Variants in PCDH11X observed in about 807,000 individuals in gnomAD.
PCDH11X encodes protocadherin-11 X-linked.
PCDH11X carries 18 observed loss-of-function variants against 53.3 expected under a neutral mutation model. The ratio of observed to expected loss-of-function variants is 0.34; its 90% confidence interval spans 0.23 to 0.50. The LOEUF is 0.50. PCDH11X is among the 20% of genes least tolerant of loss of function. The probability of loss-of-function intolerance (pLI) is 0.98; values close to 1 mark genes in which losing one functional copy is unlikely to be tolerated. For missense variants in PCDH11X, 570 were observed against 1,032.4 expected (o/e 0.55, Z 6.14); for synonymous variants, 279 against 393.3 (o/e 0.71, Z 3.44).
At chrX:91,903,421 T>C (rs1033595600) in intron 6 of PCDH11X, among the ~76,000 whole-genome samples, 21 of 111,360 alleles carry the variant, frequency 1.9e-4, no homozygotes, top group Non-Finnish European at 3.0e-4. Flanking sequence ...AAACTCTCCA[T>C]GGTGTGGTCT....
At chrX:92,347,756 C>A (rs2148522307) in intron 8 of PCDH11X, among the ~76,000 whole-genome samples, 1 of 111,739 alleles carries the variant, frequency 8.9e-6, no homozygotes, top group Non-Finnish European at 1.9e-5. Context: ...CATTTAAAAA[C>A]CCTTTATTGT....
rs778490991 is a variant in PCDH11X at position 92,442,851 on chromosome X, T to G, written c.3344-25448T>G. ...CTAGGTTGATTCCATGTCTTGTTATTGTGAATATTGCTGCAACGAACATGC... is the reference window on the plus strand; with the variant it reads ...CTAGGTTGATTCCATGTCTTGTTATGGTGAATATTGCTGCAACGAACATGC... On this transcript the variant is annotated intron_variant, in intron 9 of 10. Coordinates refer to ENST00000682573, the MANE Select transcript of PCDH11X (RefSeq NM_032968.5). 4.6e-5 allele frequency among the ~76,000 whole-genome samples: 5 copies of G among 109,832 alleles called. No homozygotes were observed. The South Asian group carries it at 2.0e-3, about 44-fold the overall frequency.
chrX:91,800,367 C>T (rs1490453814), intron 1 of PCDH11X, among the ~76,000 whole-genome samples: 4 of 108,398 alleles, frequency 3.7e-5, no homozygotes, highest in African/African-American at 1.3e-4. Context: ...AAAAACAAAA[C>T]GTACAATTAG....
intron 10 of PCDH11X, among the ~76,000 whole-genome samples, chrX:92,500,473 G>T: frequency 1.8e-5 from 2 of 110,696 alleles, no homozygotes; most frequent in South Asian, 7.7e-4. Flanking sequence ...TGATCTAAAA[G>T]GAAATCCTGT....
At chrX:92,407,301 C>A (rs754242615) in intron 9 of PCDH11X, among the ~76,000 whole-genome samples, 1 of 111,512 alleles carries the variant, frequency 9.0e-6, no homozygotes, top group African/African-American at 3.3e-5. Context: ...CAAAGAACAA[C>A]CTTGTACATG....
intron 6 of PCDH11X, among the ~76,000 whole-genome samples, chrX:91,902,225 C>T (rs781004531): frequency 9.1e-6 from 1 of 110,353 alleles, no homozygotes; most frequent in East Asian, 2.9e-4. Flanking sequence ...TTCCTCAATT[C>T]CCAATTGCTC....
chrX:92,272,391 C>T (rs914099177), intron 8 of PCDH11X, among the ~76,000 whole-genome samples: 2 of 111,939 alleles, frequency 1.8e-5, no homozygotes, highest in Admixed American at 1.9e-4. Flanking sequence ...GCTTAACTCA[C>T]AGGGATCTCA....
At chrX:91,806,706 TAGTC>T (rs1025183406) in intron 1 of PCDH11X, among the ~76,000 whole-genome samples, 1 of 112,434 alleles carries the variant, frequency 8.9e-6, no homozygotes, top group Non-Finnish European at 1.9e-5. Context: ...TGACCATACT[TAGTC>T]AGTGCAGGAA....
intron 6 of PCDH11X, among the ~76,000 whole-genome samples, chrX:92,152,896 C>A (rs1449787963): frequency 9.2e-6 from 1 of 109,263 alleles, no homozygotes; most frequent in Non-Finnish European, 1.9e-5. Flanking sequence ...CTCCCAGGTT[C>A]AAGTGCTTCT....
chrX:91,820,963 G>A (rs1936655811), intron 4 of PCDH11X, among the ~76,000 whole-genome samples: 1 of 108,785 alleles, frequency 9.2e-6, no homozygotes, highest in Non-Finnish European at 1.9e-5. Context: ...TCTCAAGTTT[G>A]TCAAAGATCA....
At chrX:92,243,362 A>T (rs1279598814) in intron 7 of PCDH11X, among the ~76,000 whole-genome samples, 1 of 110,513 alleles carries the variant, frequency 9.0e-6, no homozygotes, top group Non-Finnish European at 1.9e-5. Flanking sequence ...AGAAAAGGAT[A>T]CCCTTCCTTC....
At chrX:91,876,747 A>G (rs779605017) in intron 5 of PCDH11X, 34 bp from the exon 6 acceptor site, 2 of 1,147,145 alleles carry the variant, frequency 1.7e-6, no homozygotes, top group Non-Finnish European at 2.3e-6. Context: ...TTATATTAAC[A>G]TAAGTTAATT....
intron 7 of PCDH11X, among the ~76,000 whole-genome samples, chrX:92,203,013 ACT>A (rs1418264764): frequency 4.5e-5 from 5 of 110,490 alleles, no homozygotes; most frequent in East Asian, 2.9e-4. Context: ...ACAAAGCAAG[ACT>A]CTGTCTCAAA....
At chrX:92,574,481 T>A (rs1453040523) in intron 10 of PCDH11X, among the ~76,000 whole-genome samples, 6 of 106,039 alleles carry the variant, frequency 5.7e-5, no homozygotes, top group African/African-American at 1.7e-4. Context: ...TGAAAATCCT[T>A]AGCCACAATT....
chrX:91,945,233 A>T (rs1270686832), intron 6 of PCDH11X, among the ~76,000 whole-genome samples: 1 of 103,028 alleles, frequency 9.7e-6, no homozygotes, highest in East Asian at 3.1e-4. Context: ...TTTTATTTCA[A>T]TTTTATAATC....
chrX:92,283,877 C>T (rs978500414), intron 8 of PCDH11X, among the ~76,000 whole-genome samples: 2 of 111,678 alleles, frequency 1.8e-5, no homozygotes, highest in Non-Finnish European at 3.8e-5. Flanking sequence ...TCTTACTTTA[C>T]TGTCCTTTAT....
chrX:91,839,194 G>A (rs5984832), intron 5 of PCDH11X, among the ~76,000 whole-genome samples: 11,039 of 107,754 alleles, frequency 0.1, 1,937 homozygotes, highest in African/African-American at 0.37. Flanking sequence ...CATATGACTG[G>A]TAAATGATAG....
intron 6 of PCDH11X, among the ~76,000 whole-genome samples, chrX:92,047,831 G>A (rs1392871280): frequency 9.2e-6 from 1 of 108,372 alleles, no homozygotes; most frequent in Non-Finnish European, 1.9e-5. Context: ...CAGAAAAAAA[G>A]CAAGCCTTAT....
At chrX:92,342,451 G>A (rs1369932105) in intron 8 of PCDH11X, among the ~76,000 whole-genome samples, 5 of 111,506 alleles carry the variant, frequency 4.5e-5, no homozygotes, top group Non-Finnish European at 9.4e-5. Flanking sequence ...GGAATCAACC[G>A]AGATGCCCAT....
Sources: allele counts gnomAD v4.1 joint callset (sites outside exome capture counted in the v4.1 genomes callset), GRCh38; gene constraint gnomAD v4.1.1; transcripts MANE v1.5; gene names NCBI Gene and HGNC (gene_info 2026-07-23, HGNC 2026-07-21).